SV2B: variants seen among roughly 807,000 people sequenced by gnomAD.
SV2B encodes synaptic vesicle glycoprotein 2B.
In SV2B, 41 loss-of-function variants were observed where a neutral mutation model predicts 73.9. The ratio of observed to expected loss-of-function variants is 0.56; its 90% CI spans 0.43 to 0.72. The LOEUF (loss-of-function observed/expected upper bound fraction) is 0.72. Among genes scored for constraint, SV2B ranks in the 30% least tolerant of loss-of-function variants. SV2B has a pLI of 0.00. For synonymous variants in SV2B, 314 were observed against 314.2 expected (o/e 1.00, Z 0.01); for missense variants, 764 against 857.8 (o/e 0.89, Z 1.37).
chr15:91,108,495 C>T (rs567979572), intron 1 of SV2B, among the ~76,000 whole-genome samples: 1 of 152,308 alleles, frequency 6.6e-6, no homozygotes, highest in East Asian at 1.9e-4. Context: ...TCTTCCTGTT[C>T]CAGGCACATA....
At position 91,158,702 on chromosome 15, in the gene SV2B, TCC is replaced by T. The variant is rs1171180737; in HGVS notation, c.-392+58340_-392+58341del. ...TTCTCTTCTCTTCTCTTCTCTTCTC[TCC>T]TCTCCTCTCCTCTCCTCTCCTCTCT... On this transcript the variant is annotated intron_variant, in intron 1 of 12. Coordinates refer to ENST00000394232, the MANE Select transcript of SV2B (RefSeq NM_001323032.3). Among the ~76,000 whole-genome samples, 238 of 59,242 alleles carry T rather than the reference TCC, an allele frequency of 4.0e-3. 5 individuals carry two copies. Among genetic ancestry groups the T allele is most frequent in the Middle Eastern group, 0.021 (3 of 140 alleles). 38.9% of individuals were successfully genotyped at this position (59,242 alleles called of 152,430 possible).
At chr15:91,273,951 TATTAC>T (rs1247617156) in intron 9 of SV2B, among the ~76,000 whole-genome samples, 1 of 152,196 alleles carries the variant, frequency 6.6e-6, no homozygotes, top group Non-Finnish European at 1.5e-5. Context: ...AACCATATTA[TATTAC>T]ATGTATAGAT....
chr15:91,289,435 T>C lies in SV2B; in HGVS notation c.1709-86T>C. The C allele has an allele frequency of 6.4e-7, 1 of 1,553,632 alleles. No homozygotes were observed. The highest frequency in any genetic ancestry group is 8.9e-7 in the Non-Finnish European group (1 of 1,127,642). ...TTGGCTTCAGGTGTACCAGTGAGGG[T>C]GGGAGATGGGGCAAGAACTGTGAGT... On this transcript the variant is annotated intron_variant, in intron 11 of 12. Transcript: ENST00000394232. This position sits in a 1 kb window ranked among gnomAD's most constrained non-coding sequence, Gnocchi z 4.9.
intron 1 of SV2B, among the ~76,000 whole-genome samples, chr15:91,200,627 C>G (rs1227835376): frequency 6.6e-6 from 1 of 152,092 alleles, no homozygotes; most frequent in African/African-American, 2.4e-5. Flanking sequence ...AAACTGAAAG[C>G]CGGCTTGGCA....
At chr15:91,273,639 G>A (rs932154692) in intron 9 of SV2B, among the ~76,000 whole-genome samples, 3 of 152,114 alleles carry the variant, frequency 2.0e-5, no homozygotes, top group African/African-American at 4.8e-5. Context: ...TAGTTCTTTG[G>A]CTCCTTTCCT....
chr15:91,256,526 T>C (rs981905666), intron 4 of SV2B, among the ~76,000 whole-genome samples: 2 of 152,196 alleles, frequency 1.3e-5, no homozygotes, highest in African/African-American at 4.8e-5. Context: ...GATGCCAGAG[T>C]AGTTTTTGCA....
chr15:91,166,228 A>G (rs767212086), intron 1 of SV2B, among the ~76,000 whole-genome samples: 1 of 152,172 alleles, frequency 6.6e-6, no homozygotes, highest in Non-Finnish European at 1.5e-5. Flanking sequence ...TCCACTCCCA[A>G]TGTGAGAAAA....
intron 1 of SV2B, among the ~76,000 whole-genome samples, chr15:91,138,543 T>C (rs2042910265): frequency 1.3e-5 from 2 of 152,316 alleles, no homozygotes; most frequent in Middle Eastern, 3.4e-3. Flanking sequence ...ATTCAACCAA[T>C]AACAGATTGA....
In SV2B at chr15:91,115,244, G is replaced by C. The variant is rs1358286818; in HGVS notation, c.-392+14881G>C. On this transcript the variant is annotated intron_variant, in intron 1 of 12. Transcript: ENST00000394232. The surrounding 1 kb of genome is among the most constrained non-coding windows in gnomAD (Gnocchi z 4.3). ...GCTGAAAGAAGAGGACATGGGTCCT[G>C]AGCAGGCGAAACCCACAGACGTCCA... 6.6e-6 allele frequency among the ~76,000 whole-genome samples: 1 copy of C among 152,218 alleles called. No individual in the cohort carries two copies. The highest frequency in any genetic ancestry group is 1.9e-4 in the East Asian group (1 of 5,204).
At chr15:91,213,111 C>A (rs2045921746) in intron 1 of SV2B, among the ~76,000 whole-genome samples, 1 of 151,960 alleles carries the variant, frequency 6.6e-6, no homozygotes, top group Non-Finnish European at 1.5e-5. Flanking sequence ...TGAGATCGTG[C>A]CACTGCACTC....
At chr15:91,259,144 T>G (rs1029626690) in intron 5 of SV2B, among the ~76,000 whole-genome samples, 2 of 151,912 alleles carry the variant, frequency 1.3e-5, no homozygotes, top group Non-Finnish European at 2.9e-5. Context: ...AGGAAGCTCT[T>G]TAGAGCTGCT....
chr15:91,222,535 C>T (rs1394067680), intron 1 of SV2B, among the ~76,000 whole-genome samples: 2 of 152,116 alleles, frequency 1.3e-5, no homozygotes, highest in East Asian at 1.9e-4. Flanking sequence ...GATCCCAGGA[C>T]ATGTTTGTTG....
Position 91,132,503 on chromosome 15 carries a change from G to C in SV2B, c.-392+32140G>C, listed in dbSNP as rs1364257515. 6.6e-6 allele frequency among the ~76,000 whole-genome samples: 1 copy of C among 152,244 alleles called. No homozygotes were observed. The highest frequency in any genetic ancestry group is 6.5e-5 in the Admixed American group (1 of 15,288). On this transcript the variant is annotated intron_variant, in intron 1 of 12. Transcript: ENST00000394232. This position sits in a 1 kb window ranked among gnomAD's most constrained non-coding sequence, Gnocchi z 4.6. The stretch of plus-strand genomic sequence containing the variant: ...GTGAAGTTACAAAGTTGCAAACGAA[G>C]ACGGGACCCTCATTCAGTCTGATTT...
At chr15:91,176,942 C>T (rs1324423792) in intron 1 of SV2B, among the ~76,000 whole-genome samples, 198 of 151,930 alleles carry the variant, frequency 1.3e-3, no homozygotes, top group African/African-American at 4.6e-3. Context: ...TTGCTTTTGG[C>T]ATTTTAGACA....
At chr15:91,172,566 G>C (rs559444406) in intron 1 of SV2B, among the ~76,000 whole-genome samples, 2 of 152,328 alleles carry the variant, frequency 1.3e-5, no homozygotes, top group East Asian at 3.9e-4. Context: ...GTGCAGGCAG[G>C]CTGATGTGAG....
intron 1 of SV2B, among the ~76,000 whole-genome samples, chr15:91,178,432 T>C (rs1016733810): frequency 3.3e-5 from 5 of 151,768 alleles, no homozygotes; most frequent in African/African-American, 1.2e-4. Context: ...GGATTCCCTC[T>C]TTTTCTGTTG....
chr15:91,113,138 G>A (rs373910971), intron 1 of SV2B, among the ~76,000 whole-genome samples: 1 of 152,178 alleles, frequency 6.6e-6, no homozygotes, highest in Admixed American at 6.5e-5. Context: ...TGACCCAGAT[G>A]TAATCATGTT....
chr15:91,117,482 C>A (rs2042213351), intron 1 of SV2B, among the ~76,000 whole-genome samples: 3 of 152,142 alleles, frequency 2.0e-5, no homozygotes, highest in African/African-American at 4.8e-5. Flanking sequence ...TATGAGGTGG[C>A]CAGTCAACTG....
chr15:91,242,667 C>T lies in SV2B; in HGVS notation c.452-9152C>T, dbSNP rs180943351. Among the ~76,000 whole-genome samples, 60 of 152,170 alleles carry T rather than the reference C, an allele frequency of 3.9e-4. No homozygotes were observed. Among genetic ancestry groups the T allele is most frequent in the African/African-American group, 1.1e-3 (44 of 41,530 alleles). ...ATAGGACATCAGTATCCAGGGGTTGCTTAATACTTGATAAAAGGGTGAATA... is the reference window on the plus strand; with the variant it reads ...ATAGGACATCAGTATCCAGGGGTTGTTTAATACTTGATAAAAGGGTGAATA... On this transcript the variant is annotated intron_variant, in intron 2 of 12. Transcript: ENST00000394232. This position sits in a 1 kb window ranked among gnomAD's most constrained non-coding sequence, Gnocchi z 4.9.
Sources: allele counts gnomAD v4.1 joint callset (sites outside exome capture counted in the v4.1 genomes callset), GRCh38; gene constraint gnomAD v4.1.1; non-coding constraint Gnocchi (gnomAD v3.1); transcripts MANE v1.5; gene names NCBI Gene and HGNC (gene_info 2026-07-23, HGNC 2026-07-21).